Variants in PCSK5 observed in about 807,000 individuals in gnomAD.
PCSK5 encodes prohormone convertase 5.
In PCSK5, 129 loss-of-function variants were observed where a neutral mutation model predicts 233.2. The observed-to-expected ratio is 0.55, with a 90% CI of 0.48 to 0.64. The LOEUF is 0.64. PCSK5 is among the 30% of genes least tolerant of loss of function. The pLI is 0.00. For synonymous variants in PCSK5, 825 were observed against 879.2 expected (o/e 0.94, Z 1.09); for missense variants, 2,076 against 2,430.1 (o/e 0.85, Z 3.06).
intron 2 of PCSK5, among the ~76,000 whole-genome samples, chr9:75,980,805 T>A (rs1168158659): frequency 6.6e-6 from 1 of 151,794 alleles, no homozygotes; most frequent in Non-Finnish European, 1.5e-5. Flanking sequence ...TTTAGAAAAT[T>A]TCTAGGATCT....
At chr9:75,939,796 T>G (rs566660604) in intron 2 of PCSK5, among the ~76,000 whole-genome samples, 6 of 152,318 alleles carry the variant, frequency 3.9e-5, no homozygotes, top group African/African-American at 1.4e-4. Flanking sequence ...CCTATCAATC[T>G]TTTATCTTTT....
chr9:76,263,788 A>G (rs1480465351), intron 24 of PCSK5, among the ~76,000 whole-genome samples: 1 of 151,888 alleles, frequency 6.6e-6, no homozygotes, highest in African/African-American at 2.4e-5. Flanking sequence ...TAATAATAAA[A>G]GAAAAAAAAA....
intron 3 of PCSK5, among the ~76,000 whole-genome samples, chr9:75,987,957 G>A (rs1826596365): frequency 3.3e-5 from 5 of 152,172 alleles, no homozygotes; most frequent in African/African-American, 9.7e-5. Context: ...GAACTATCTA[G>A]TAGCTTTCCC....
chr9:76,138,873 C>T (rs1587675970), intron 10 of PCSK5, among the ~76,000 whole-genome samples: 1 of 151,984 alleles, frequency 6.6e-6, no homozygotes, highest in East Asian at 1.9e-4. Context: ...TTTCACTGCC[C>T]TCCCAGACTA....
intron 24 of PCSK5, chr9:76,286,388 A>G (rs2131397136): frequency 6.6e-6 from 1 of 152,442 alleles, no homozygotes; most frequent in Middle Eastern, 3.4e-3. Context: ...ACACATTCAG[A>G]TACCATGGAA....
chr9:76,204,367 T>C (rs1025549424), intron 20 of PCSK5, among the ~76,000 whole-genome samples: 2 of 152,308 alleles, frequency 1.3e-5, no homozygotes, highest in Non-Finnish European at 1.5e-5. Flanking sequence ...ACAGGATCCA[T>C]TAACATGTCC....
chr9:75,890,607 TGG>T (rs1208743915), upstream of PCSK5: 1 of 150,356 alleles, frequency 6.7e-6, no homozygotes, highest in East Asian at 2.0e-4. Flanking sequence ...GAGGGCGATG[TGG>T]GAAAGGAGGG....
At chr9:75,903,611 T>TATATATTATA (rs1467469355) in intron 1 of PCSK5, among the ~76,000 whole-genome samples, 6 of 139,822 alleles carry the variant, frequency 4.3e-5, no homozygotes. Context: ...TATATATATA[T>TATATATTATA]TATATATATA....
intron 35 of PCSK5, among the ~76,000 whole-genome samples, chr9:76,339,246 T>C (rs1221001201): frequency 2.0e-5 from 3 of 152,154 alleles, no homozygotes; most frequent in Non-Finnish European, 4.4e-5. Context: ...ACTTCTATAT[T>C]TTAATTGTTA....
At chr9:76,271,670 T>A (rs538908607) in intron 24 of PCSK5, among the ~76,000 whole-genome samples, 13 of 143,038 alleles carry the variant, frequency 9.1e-5, no homozygotes, top group African/African-American at 3.3e-4. Flanking sequence ...ACCCCATTTC[T>A]AAAAAAAAAA....
intron 12 of PCSK5, among the ~76,000 whole-genome samples, chr9:76,159,537 C>G (rs962123225): frequency 6.6e-6 from 1 of 152,216 alleles, no homozygotes; most frequent in Non-Finnish European, 1.5e-5. Context: ...TGCCCAAGCA[C>G]TTACTTTCAA....
In PCSK5 at chr9:76,109,734, C is replaced by T. The variant is rs535696309; in HGVS notation, c.1208+2383C>T. 2.0e-4 allele frequency among the ~76,000 whole-genome samples: 30 copies of T among 152,236 alleles called. 1 individual carries two copies. Among genetic ancestry groups the T allele is most frequent in the Admixed American group, 1.9e-3 (29 of 15,304 alleles). Reference sequence around the variant, plus strand: ...GGGGCCAAAATGGATGATGAACTATCTGATAAACTCAGAAAAAACAAACCT... The same window carrying T: ...GGGGCCAAAATGGATGATGAACTATTTGATAAACTCAGAAAAAACAAACCT... On this transcript the variant is annotated intron_variant, in intron 9 of 37. Coordinates refer to ENST00000674117, the MANE Select transcript of PCSK5 (RefSeq NM_001372043.1).
At chr9:76,357,602 G>T (rs532706432) in intron 37 of PCSK5, among the ~76,000 whole-genome samples, 2 of 152,026 alleles carry the variant, frequency 1.3e-5, no homozygotes, top group African/African-American at 4.8e-5. Flanking sequence ...TTCTTTTTCT[G>T]CCAGGCTAGG....
upstream of PCSK5, among the ~76,000 whole-genome samples, chr9:75,889,949 A>G (rs1825493671): frequency 6.6e-6 from 1 of 152,236 alleles, no homozygotes; most frequent in South Asian, 2.1e-4. Flanking sequence ...GGAGAAAAAG[A>G]AGCCCTCGTC....
At chr9:75,943,033 C>T (rs973035120) in intron 2 of PCSK5, among the ~76,000 whole-genome samples, 3 of 151,698 alleles carry the variant, frequency 2.0e-5, no homozygotes, top group Non-Finnish European at 2.9e-5. Flanking sequence ...TACAGGCGCT[C>T]GCCACCACAC....
chr9:76,166,139 C>A (rs1188391611), intron 12 of PCSK5, among the ~76,000 whole-genome samples: 1 of 152,150 alleles, frequency 6.6e-6, no homozygotes, highest in Non-Finnish European at 1.5e-5. Flanking sequence ...GATACAACAA[C>A]CATTGGTGCC....
At chr9:76,139,643 AT>A in intron 10 of PCSK5, among the ~76,000 whole-genome samples, 1 of 152,096 alleles carries the variant, frequency 6.6e-6, no homozygotes, top group Non-Finnish European at 1.5e-5. Flanking sequence ...CGCCTAACAT[AT>A]TTTTTTAAGA....
At chr9:76,301,143 G>A (rs945929894) in intron 27 of PCSK5, among the ~76,000 whole-genome samples, 1 of 151,818 alleles carries the variant, frequency 6.6e-6, no homozygotes, top group East Asian at 1.9e-4. Flanking sequence ...GTGGTGGCAC[G>A]CATCTGTAGT....
intron 35 of PCSK5, among the ~76,000 whole-genome samples, chr9:76,339,372 T>A (rs1013336275): frequency 2.0e-5 from 3 of 152,192 alleles, no homozygotes; most frequent in East Asian, 1.9e-4. Flanking sequence ...TTTAATTTTT[T>A]AAAAATCTTT....
Sources: gnomAD v4.1 joint callset for allele counts (sites outside exome capture counted in the v4.1 genomes callset) on GRCh38, gnomAD v4.1.1 for gene constraint, MANE v1.5 for transcripts, NCBI Gene and HGNC (gene_info 2026-07-23, HGNC 2026-07-21) for gene names.